SOX6: variants seen among roughly 807,000 people sequenced by gnomAD.
SOX6 encodes the protein SRY-box transcription factor 6, also known as transcription factor SOX-6.
SOX6 carries 11 observed loss-of-function variants against 97.8 expected under a neutral mutation model. That is an observed-to-expected ratio of 0.11 (90% confidence interval 0.07 to 0.19). The LOEUF (loss-of-function observed/expected upper bound fraction) is 0.19. Among genes scored for constraint, SOX6 ranks in the 10% least tolerant of loss-of-function variants. The pLI is 1.00. For synonymous variants in SOX6, 360 were observed against 371.4 expected (o/e 0.97, Z 0.35); for missense variants, 810 against 1,039.5 (o/e 0.78, Z 3.04).
At chr11:16,261,890 C>A (rs1853910175) in intron 3 of SOX6, among the ~76,000 whole-genome samples, 2 of 151,856 alleles carry the variant, frequency 1.3e-5, no homozygotes, top group Admixed American at 1.3e-4. Context: ...TGTTGCAGCA[C>A]CAAAAACAAG....
At chr11:16,364,191 G>C (rs185419653) in intron 1 of SOX6, among the ~76,000 whole-genome samples, 6 of 152,214 alleles carry the variant, frequency 3.9e-5, no homozygotes, top group Non-Finnish European at 7.4e-5. Flanking sequence ...TCTGAACCAA[G>C]ATCCTGGCCT....
At chr11:16,246,163 A>C (rs1853329823) in intron 3 of SOX6, among the ~76,000 whole-genome samples, 1 of 151,426 alleles carries the variant, frequency 6.6e-6, no homozygotes, top group Admixed American at 6.6e-5. Flanking sequence ...TTCAAATACA[A>C]TGTAAGGAAC....
At chr11:16,133,478 A>G (rs1849874701) in intron 6 of SOX6, among the ~76,000 whole-genome samples, 1 of 152,228 alleles carries the variant, frequency 6.6e-6, no homozygotes, top group Non-Finnish European at 1.5e-5. Flanking sequence ...AGCACTGATT[A>G]GAGAAGAATC....
chr11:16,391,476 C>A (rs776797343), intron 1 of SOX6, among the ~76,000 whole-genome samples: 8 of 152,084 alleles, frequency 5.3e-5, no homozygotes, highest in Non-Finnish European at 8.8e-5. Flanking sequence ...AGAATCATAT[C>A]TTTTTCATTA....
chr11:16,670,520 G>A (rs953175860), intron 3 of SOX6, among the ~76,000 whole-genome samples: 1 of 152,138 alleles, frequency 6.6e-6, no homozygotes, highest in Admixed American at 6.5e-5. Flanking sequence ...TAACGAAGGA[G>A]CAAAGACCCT....
At chr11:16,398,829 A>G (rs994822055) in intron 1 of SOX6, among the ~76,000 whole-genome samples, 1 of 144,806 alleles carries the variant, frequency 6.9e-6, no homozygotes, top group Non-Finnish European at 1.5e-5. Flanking sequence ...AAAAAAAAAA[A>G]CCATAAAAAC....
chr11:16,124,943 G>A (rs1460046457), intron 6 of SOX6, among the ~76,000 whole-genome samples: 1 of 152,036 alleles, frequency 6.6e-6, no homozygotes, highest in Non-Finnish European at 1.5e-5. Context: ...GACCCAAAAT[G>A]GGGGTAATGG....
chr11:16,620,725 G>T (rs961973965), intron 3 of SOX6, among the ~76,000 whole-genome samples: 3 of 152,250 alleles, frequency 2.0e-5, no homozygotes, highest in African/African-American at 4.8e-5. Flanking sequence ...CAGCAATTTT[G>T]TGATTTTTCC....
chr11:16,341,536 A>C (rs749072997), intron 1 of SOX6, among the ~76,000 whole-genome samples: 1 of 151,990 alleles, frequency 6.6e-6, no homozygotes, highest in Non-Finnish European at 1.5e-5. Flanking sequence ...CAGGGTGTGT[A>C]TGTGTATATT....
chr11:16,144,892 C>A (rs1292000165), intron 6 of SOX6, among the ~76,000 whole-genome samples: 1 of 152,076 alleles, frequency 6.6e-6, no homozygotes, highest in Non-Finnish European at 1.5e-5. Context: ...CAGGACCAGA[C>A]GGATTCACAG....
intron 2 of SOX6, among the ~76,000 whole-genome samples, chr11:16,724,110 G>C (rs1848287083): frequency 6.6e-6 from 1 of 152,094 alleles, no homozygotes; most frequent in Admixed American, 6.6e-5. Flanking sequence ...AGCACATTGA[G>C]GGAATACTTG....
intron 6 of SOX6, among the ~76,000 whole-genome samples, chr11:16,115,288 C>A (rs1332265423): frequency 6.6e-6 from 1 of 152,110 alleles, no homozygotes; most frequent in East Asian, 1.9e-4. Flanking sequence ...TTTAAAAAAG[C>A]AAATTCTTAA....
chr11:16,451,875 A>T (rs190871736), intron 1 of SOX6, among the ~76,000 whole-genome samples: 8,001 of 151,862 alleles, frequency 0.053, 266 homozygotes, highest in Middle Eastern at 0.082. Flanking sequence ...TCAAAAAAAA[A>T]TTTTTTTAAT....
intron 6 of SOX6, among the ~76,000 whole-genome samples, chr11:16,175,478 C>T (rs908991269): frequency 2.0e-5 from 3 of 151,816 alleles, no homozygotes; most frequent in African/African-American, 7.3e-5. Context: ...GTTATTTAAA[C>T]CCTAATTTAT....
chr11:16,350,870 T>C (rs1856928128), intron 1 of SOX6, among the ~76,000 whole-genome samples: 1 of 152,008 alleles, frequency 6.6e-6, no homozygotes, highest in African/African-American at 2.4e-5. Flanking sequence ...TCGTAGACAA[T>C]CAATACTATG....
At chr11:16,134,333 C>T (rs1324872827) in intron 6 of SOX6, among the ~76,000 whole-genome samples, 2 of 152,058 alleles carry the variant, frequency 1.3e-5, no homozygotes, top group African/African-American at 4.8e-5. Flanking sequence ...GGGCCCTGGG[C>T]CACGTTGTAG....
intron 4 of SOX6, among the ~76,000 whole-genome samples, chr11:16,527,667 CTA>C (rs1225035404): frequency 1.3e-5 from 2 of 152,102 alleles, no homozygotes; most frequent in Non-Finnish European, 2.9e-5. Flanking sequence ...TGTACGAAAA[CTA>C]TTAATGCACC....
chr11:16,484,277 A>G, intron 4 of SOX6: 1 of 1,112,884 alleles, frequency 9.0e-7, no homozygotes. Flanking sequence ...GTCACTGGGA[A>G]CCACATTGCC....
chr11:16,480,655 C>A (rs570233760), upstream of SOX6, among the ~76,000 whole-genome samples: 15 of 149,450 alleles, frequency 1.0e-4, no homozygotes, highest in African/African-American at 2.5e-4. Context: ...ACCCCCCCCC[C>A]ACCTTCTTTT....
Sources: gnomAD v4.1 joint callset for allele counts (sites outside exome capture counted in the v4.1 genomes callset) on GRCh38, gnomAD v4.1.1 for gene constraint, MANE v1.5 for transcripts, NCBI Gene and HGNC (gene_info 2026-07-23, HGNC 2026-07-21) for gene names.